Variants in GLIPR2 observed in about 807,000 individuals in gnomAD.
GLIPR2 encodes the protein Golgi-associated plant pathogenesis-related protein 1.
Under a neutral mutation model 20.4 loss-of-function variants are expected in GLIPR2, and 21 were observed. The observed-to-expected ratio is 1.03, with a 90% CI of 0.73 to 1.48. The LOEUF (loss-of-function observed/expected upper bound fraction) is 1.48, where lower values mean the gene tolerates loss of function less well. Ranked by LOEUF, GLIPR2 falls within the 40% of genes most tolerant of loss-of-function variation. GLIPR2 has a pLI of 0.00. For missense variants in GLIPR2, 205 were observed against 200.1 expected, an observed-to-expected ratio of 1.02 and a Z score of -0.15; for synonymous variants, 91 against 80.5, an observed-to-expected ratio of 1.13 and a Z score of -0.70.
intron 4 of GLIPR2, among the ~76,000 whole-genome samples, chr9:36,157,039 C>T (rs868832136): frequency 9.2e-5 from 14 of 151,966 alleles, no homozygotes; most frequent in South Asian, 4.1e-4. Context: ...TTATTTGAGA[C>T]GGAGTCTCAC....
chr9:36,158,387 T>C (rs999315653), intron 4 of GLIPR2, among the ~76,000 whole-genome samples: 6 of 152,242 alleles, frequency 3.9e-5, no homozygotes, highest in African/African-American at 1.4e-4. Context: ...CTGTTTTTCA[T>C]AGTAACCATC....
chr9:36,142,268 T>C (rs1247229537), intron 1 of GLIPR2, among the ~76,000 whole-genome samples: 1 of 152,120 alleles, frequency 6.6e-6, no homozygotes, highest in African/African-American at 2.4e-5. Context: ...CCAGGCCTCC[T>C]CAGTCACCCG....
chr9:36,159,515 A>G lies in GLIPR2; in HGVS notation c.305-2847A>G, dbSNP rs1445906121. On this transcript the variant is annotated intron_variant, in intron 4 of 4. Coordinates refer to ENST00000377960, the MANE Select transcript of GLIPR2 (RefSeq NM_022343.4). The stretch of plus-strand genomic sequence containing the variant: ...CTGGGTGCATTTTGGTGATTAAAAC[A>G]AACTTGGCCTCTGCCCATATGGACA... 3.3e-5 allele frequency among the ~76,000 whole-genome samples: 5 copies of G among 152,236 alleles called. No homozygotes were observed. The East Asian group carries it at 7.7e-4, about 23-fold the overall frequency.
At position 36,151,883 on chromosome 9, in the gene GLIPR2, A is replaced by G. The variant is rs1019304138; in HGVS notation, c.304+934A>G. ...GAAGTGGGTGGGAGTTTCTCTGACC[A>G]GAAGGTGCCAGGAAAACAGAAAAAG... is the stretch of plus-strand genomic sequence containing the variant. On this transcript the variant is annotated intron_variant, in intron 4 of 4. Coordinates refer to ENST00000377960, the MANE Select transcript of GLIPR2 (RefSeq NM_022343.4). Among the ~76,000 whole-genome samples, 33 of 152,136 alleles carry G rather than the reference A, an allele frequency of 2.2e-4. 1 individual carries two copies. Among genetic ancestry groups the G allele is most frequent in the African/African-American group, 7.2e-4 (30 of 41,422 alleles).
chr9:36,154,261 C>T (rs1043995909), intron 4 of GLIPR2, among the ~76,000 whole-genome samples: 1 of 151,874 alleles, frequency 6.6e-6, no homozygotes, highest in Non-Finnish European at 1.5e-5. Flanking sequence ...TGAGAGCTAT[C>T]GAAGGTGAAA....
intron 3 of GLIPR2, among the ~76,000 whole-genome samples, chr9:36,149,206 C>G (rs1415716334): frequency 1.3e-5 from 2 of 152,256 alleles, no homozygotes; most frequent in Admixed American, 1.3e-4. Context: ...GCTGCCCAGA[C>G]ATTCTTGAGC....
At chr9:36,137,585 C>G (rs1005247387) in intron 1 of GLIPR2, among the ~76,000 whole-genome samples, 1 of 152,210 alleles carries the variant, frequency 6.6e-6, no homozygotes, top group South Asian at 2.1e-4. Flanking sequence ...TGATTCCCCC[C>G]GGGAGGGAGC....
intron 1 of GLIPR2, chr9:36,146,321 C>T (rs995720745): frequency 2.6e-5 from 4 of 152,164 alleles, no homozygotes; most frequent in Admixed American, 6.6e-5. Context: ...CTCACTCCTC[C>T]GCATGGTTAC....
In GLIPR2 at chr9:36,136,742, C is replaced by A; in HGVS notation, c.-37C>A. ...GCTGGGCCGGGCGAGCGCAGTGCAG[C>A]GCAGCCGCGGGGAGCGAGGAGCGCG... On this transcript the variant is annotated 5_prime_UTR_variant, in exon 1 of 5. Coordinates refer to ENST00000377960, the MANE Select transcript of GLIPR2 (RefSeq NM_022343.4). This position sits in a 1 kb window ranked among gnomAD's most constrained non-coding sequence, Gnocchi z 4.3. 1 of 1,269,276 alleles carries A rather than the reference C, an allele frequency of 7.9e-7. No individual in the cohort carries two copies. Among genetic ancestry groups the A allele is most frequent in the Non-Finnish European group, 9.9e-7 (1 of 1,007,942 alleles). The allele number at this position is 1,269,276 out of a possible 1,614,324, so 78.6% of individuals were successfully genotyped here.
chr9:36,148,796 C>T lies in GLIPR2; in HGVS notation c.226+146C>T, dbSNP rs74854939. 3,049 of 620,540 alleles carry T rather than the reference C, an allele frequency of 4.9e-3. 18 individuals are homozygous for T. Among genetic ancestry groups the T allele is most frequent in the Non-Finnish European group, 6.3e-3 (2,168 of 342,106 alleles). The allele number at this position is 620,540 out of a possible 1,614,324, so 38.4% of individuals were successfully genotyped here. ...AAAACCAGAGCTCTCTGAATCTGCT[C>T]CCAGGCTGACTTCAGTTCACCACAA... On this transcript the variant is annotated intron_variant, in intron 3 of 4. Transcript: ENST00000377960.
At chr9:36,157,683 A>AAC (rs567476723) in intron 4 of GLIPR2, among the ~76,000 whole-genome samples, 7,617 of 146,252 alleles carry the variant, frequency 0.052, 296 homozygotes, top group African/African-American at 0.11. Flanking sequence ...ATATCTGTTA[A>AAC]ACACACACAC....
chr9:36,161,428 CAG>C (rs1826046979), intron 4 of GLIPR2, among the ~76,000 whole-genome samples: 2 of 150,458 alleles, frequency 1.3e-5, no homozygotes, highest in Admixed American at 1.3e-4. Flanking sequence ...GTCTGGAACA[CAG>C]AGCAGTGATT....
Position 36,136,764 on chromosome 9 carries a change from C to T in GLIPR2, c.-15C>T. 1.6e-6 allele frequency: 2 copies of T among 1,288,692 alleles called. No homozygotes were observed. The highest frequency in any genetic ancestry group is 4.9e-5 in the South Asian group (2 of 40,758). The allele number at this position is 1,288,692 out of a possible 1,614,324, so 79.8% of individuals were successfully genotyped here. A position where few individuals can be genotyped will look rare whatever the true frequency, so the allele number is the denominator to read the frequency against. On this transcript the variant is annotated 5_prime_UTR_variant, in exon 1 of 5. Coordinates refer to ENST00000377960, the MANE Select transcript of GLIPR2 (RefSeq NM_022343.4). This position sits in a 1 kb window ranked among gnomAD's most constrained non-coding sequence, Gnocchi z 4.3. ...CAGCGCAGCCGCGGGGAGCGAGGAG[C>T]GCGCGGAGCCGGCCATGGGCAAGTC...
chr9:36,162,453 A>T lies in GLIPR2; in HGVS notation c.396A>T (p.Arg132Ser). The change falls in exon 5 of 5, where the codon AGA (arginine) becomes AGT (serine). Residue 132 changes from arginine (R) to serine (S), a missense_variant. Coordinates refer to ENST00000377960, the MANE Select transcript of GLIPR2 (RefSeq NM_022343.4). ...ASDGSSFVVA[R>S]YFPAGNVVNE... The stretch of plus-strand genomic sequence containing the variant: ...ACGGGTCCTCCTTTGTGGTGGCCAG[A>T]TACTTCCCAGCGGGGAATGTTGTCA... The T allele has an allele frequency of 6.2e-7, 1 of 1,614,188 alleles. No individual in the cohort carries two copies. Among genetic ancestry groups the T allele is most frequent in the Non-Finnish European group, 8.5e-7 (1 of 1,180,036 alleles).
intron 1 of GLIPR2, among the ~76,000 whole-genome samples, chr9:36,141,679 G>A (rs1825089261): frequency 6.6e-6 from 1 of 152,070 alleles, no homozygotes; most frequent in Admixed American, 6.5e-5. Context: ...TTTGAGTCAA[G>A]GTCTTGCTCT....
At chr9:36,138,288 G>C (rs867054823) in intron 1 of GLIPR2, among the ~76,000 whole-genome samples, 1 of 151,774 alleles carries the variant, frequency 6.6e-6, no homozygotes, top group Non-Finnish European at 1.5e-5. Context: ...GCAGTGGTGC[G>C]ATCTCGGCTC....
At chr9:36,156,407 AAAAAAG>A (rs1361488377) in intron 4 of GLIPR2, among the ~76,000 whole-genome samples, 5 of 150,146 alleles carry the variant, frequency 3.3e-5, no homozygotes, top group African/African-American at 9.8e-5. Context: ...AAAAAAAAAA[AAAAAAG>A]AAATTGTAGT....
At position 36,155,390 on chromosome 9, in the gene GLIPR2, T is replaced by A. The variant is rs532214059; in HGVS notation, c.304+4441T>A. On this transcript the variant is annotated intron_variant, in intron 4 of 4. Transcript: ENST00000377960. ...CGGGTGGATCACTTGAGGTCAGGAG[T>A]TCGAGACCACCCTGGCCAATATGGT... is the stretch of plus-strand genomic sequence containing the variant. 1.3e-4 allele frequency among the ~76,000 whole-genome samples: 20 copies of A among 151,640 alleles called. No individual in the cohort carries two copies. The East Asian group carries it at 3.9e-3, about 30-fold the overall frequency.
chr9:36,162,761 T>G lies in GLIPR2; in HGVS notation c.*239T>G. On this transcript the variant is annotated 3_prime_UTR_variant, in exon 5 of 5. Transcript: ENST00000377960. ...TTACCTAGACCACGATTATTTGGATTGGGGGGAGGGGGGATCCGTTTTTTT... is the reference window on the plus strand; with the variant it reads ...TTACCTAGACCACGATTATTTGGATGGGGGGGAGGGGGGATCCGTTTTTTT... The G allele has an allele frequency of 2.9e-5, 15 of 512,566 alleles. No individual in the cohort carries two copies. Among genetic ancestry groups the G allele is most frequent in the East Asian group, 8.3e-5 (2 of 23,980 alleles). 31.8% of individuals were successfully genotyped at this position (512,566 alleles called of 1,614,324 possible).
Sources: gnomAD v4.1 joint callset for allele counts (sites outside exome capture counted in the v4.1 genomes callset) on GRCh38, gnomAD v4.1.1 for gene constraint, Gnocchi (gnomAD v3.1) non-coding constraint, MANE v1.5 for transcripts, NCBI Gene and HGNC (gene_info 2026-07-23, HGNC 2026-07-21) for gene names.